ANKRD30A: variants seen among roughly 807,000 people sequenced by gnomAD.
ANKRD30A encodes ankyrin repeat domain-containing protein 30A.
A neutral mutation model predicts 166.3 loss-of-function variants in ANKRD30A; 170 were observed. That is an observed-to-expected ratio of 1.02 (90% CI 0.90 to 1.16). The LOEUF is 1.16. ANKRD30A is among the 50% of genes most tolerant of loss of function. The probability of loss-of-function intolerance (pLI) is 0.00; values close to 1 mark genes in which losing one functional copy is unlikely to be tolerated. For missense variants in ANKRD30A, 1,630 were observed against 1,518.0 expected (o/e 1.07, Z -1.23); for synonymous variants, 564 against 508.9 (o/e 1.11, Z -1.46).
intron 34 of ANKRD30A, among the ~76,000 whole-genome samples, chr10:37,223,559 T>G (rs1169348262): frequency 6.6e-6 from 1 of 151,454 alleles, no homozygotes; most frequent in Non-Finnish European, 1.5e-5. Flanking sequence ...TTGTTAGCAT[T>G]TAGTATTTTA....
chr10:37,192,985 C>A, intron 25 of ANKRD30A, 79 bp from the exon 26 acceptor site: 1 of 1,493,864 alleles, frequency 6.7e-7, no homozygotes, highest in East Asian at 2.3e-5. Flanking sequence ...GATTCATCTT[C>A]ATGTTGACAG....
At chr10:37,199,850 G>A in intron 30 of ANKRD30A, 62 bp downstream of exon 30, 1 of 1,050,858 alleles carries the variant, frequency 9.5e-7, no homozygotes, top group Non-Finnish European at 1.4e-6. Context: ...CATAAAATCA[G>A]ATGCTTAGAC....
intron 15 of ANKRD30A, among the ~76,000 whole-genome samples, chr10:37,159,760 A>G (rs752244407): frequency 1.9e-4 from 29 of 151,858 alleles, no homozygotes; most frequent in Non-Finnish European, 3.8e-4. Context: ...CCATGGCGCG[A>G]TCTCGGCTCA....
At chr10:37,157,253 A>C (rs1358615541) in intron 13 of ANKRD30A, among the ~76,000 whole-genome samples, 1 of 152,240 alleles carries the variant, frequency 6.6e-6, no homozygotes, top group Non-Finnish European at 1.5e-5. Flanking sequence ...AAACAAAACT[A>C]TTGTAGGATT....
the ANKRD30A span, among the ~76,000 whole-genome samples, chr10:37,238,716 A>T: frequency 1.3e-5 from 2 of 152,214 alleles, no homozygotes; most frequent in African/African-American, 4.8e-5. Flanking sequence ...TTTGGGGAAA[A>T]GATAATAGCA....
At chr10:37,149,744 T>C (rs1837776919) in intron 10 of ANKRD30A, 33 bp from the exon 11 acceptor site, 1 of 1,612,898 alleles carries the variant, frequency 6.2e-7, no homozygotes, top group African/African-American at 1.3e-5. Flanking sequence ...GTATACATTC[T>C]TTATTAATCA....
the ANKRD30A span, chr10:37,264,519 T>G: frequency 2.6e-6 from 1 of 383,710 alleles, no homozygotes; most frequent in Non-Finnish European, 4.5e-6. Flanking sequence ...AGTGACTGTT[T>G]TCCTCTGCAG....
rs5784545 is a variant in ANKRD30A at position 37,201,088 on chromosome 10, GT to G, written c.2779-138del. 3,439 of 498,458 alleles carry G rather than the reference GT, an allele frequency of 6.9e-3. 138 individuals are homozygous for G. The Admixed American group carries it at 0.082, about 12-fold the overall frequency. The allele number at this position is 498,458 out of a possible 1,614,324, so 30.9% of individuals were successfully genotyped here. ...GTTATGTGAGGTTTTCTATTAAAAT[GT>G]TTTTTTTTATACGTGTCTGCTCTTA... is the stretch of plus-strand genomic sequence containing the variant. On this transcript the variant is annotated intron_variant, in intron 30 of 35. Coordinates refer to ENST00000361713, the MANE Select transcript of ANKRD30A (RefSeq NM_052997.3).
At chr10:37,160,809 G>A (rs1838790269) in intron 15 of ANKRD30A, among the ~76,000 whole-genome samples, 2 of 152,044 alleles carry the variant, frequency 1.3e-5, no homozygotes, top group Admixed American at 1.3e-4. Context: ...AATTCTCCAC[G>A]GCTTCACATG....
chr10:37,141,019 G>T (rs1258250901), intron 6 of ANKRD30A, among the ~76,000 whole-genome samples: 2 of 152,036 alleles, frequency 1.3e-5, no homozygotes, highest in African/African-American at 4.8e-5. Context: ...ACAAATAATT[G>T]TTAGGTATCT....
chr10:37,134,522 T>A lies in ANKRD30A; in HGVS notation c.755+469T>A, dbSNP rs556401837. On this transcript the variant is annotated intron_variant, in intron 5 of 35. Coordinates refer to ENST00000361713, the MANE Select transcript of ANKRD30A (RefSeq NM_052997.3). ...GCAGTCTAGTAATGATTGACCTTTG[T>A]GACCAGGATGCCCTTACTAACACAG... Among the ~76,000 whole-genome samples the A allele has an allele frequency of 2.0e-5, 3 of 152,326 alleles. No individual in the cohort carries two copies. In the East Asian group the frequency reaches 5.8e-4, roughly 29 times the overall value.
At chr10:37,144,789 T>C (rs550628884) in intron 7 of ANKRD30A, among the ~76,000 whole-genome samples, 1 of 152,288 alleles carries the variant, frequency 6.6e-6, no homozygotes, top group South Asian at 2.1e-4. Flanking sequence ...TTTTGCATTC[T>C]AATGAATATA....
chr10:37,258,924 C>T, the ANKRD30A span, among the ~76,000 whole-genome samples: 10 of 138,340 alleles, frequency 7.2e-5, no homozygotes, highest in African/African-American at 2.8e-4. Flanking sequence ...GATTGTGCTA[C>T]TGCACCCTAG....
downstream of ANKRD30A, among the ~76,000 whole-genome samples, chr10:37,233,380 T>C (rs1843538776): frequency 6.6e-6 from 1 of 152,172 alleles, no homozygotes; most frequent in South Asian, 2.1e-4. Flanking sequence ...TTAGTCATGA[T>C]GCACATATGA....
chr10:37,129,054 A>C (rs1056444981), intron 1 of ANKRD30A, among the ~76,000 whole-genome samples: 5 of 152,194 alleles, frequency 3.3e-5, no homozygotes, highest in African/African-American at 1.2e-4. Flanking sequence ...CTTTAAAAAT[A>C]TTAAAGAAGT....
intron 25 of ANKRD30A, among the ~76,000 whole-genome samples, chr10:37,192,185 T>G (rs548538649): frequency 1.3e-5 from 2 of 152,052 alleles, no homozygotes; most frequent in South Asian, 4.2e-4. Flanking sequence ...TACAGGCCTG[T>G]GCCACCATAC....
chr10:37,165,107 A>G lies in ANKRD30A; in HGVS notation c.2016A>G (p.Pro672=). The change falls in exon 18 of 36, where the codon CCA becomes CCG. Residue 672 remains proline, a synonymous_variant. Coordinates refer to ENST00000361713, the MANE Select transcript of ANKRD30A (RefSeq NM_052997.3). ...AACCTTTTATAGATGAGATACTCCC[A>G]TCAGAATCCAAACAAAAGGACTATG... The part of the protein sequence containing the change: ...EQTLRADEIL[P]SESKQKDYEE... 2.5e-6 allele frequency: 4 copies of G among 1,609,212 alleles called. No individual in the cohort carries two copies. The highest frequency in any genetic ancestry group is 3.4e-6 in the Non-Finnish European group (4 of 1,176,000).
At chr10:37,190,340 A>G (rs1164387902) in intron 25 of ANKRD30A, among the ~76,000 whole-genome samples, 1 of 151,784 alleles carries the variant, frequency 6.6e-6, no homozygotes. Flanking sequence ...TGTGGGAATA[A>G]TGTGGAAGCA....
chr10:37,219,424 G>A lies in ANKRD30A; in HGVS notation c.3712G>A (p.Asp1238Asn), dbSNP rs377744149. Residue 1238 changes from aspartate to asparagine, a missense_variant, in exon 34 of 36, where the codon GAT becomes AAT. Transcript: ENST00000361713. ...TTGTTTGCAAAGAAAAATGAATGTT[G>A]ATGTGAGTAGTACGATATATAACAA... Reference protein sequence around the residue: ...DACLQRKMNVDVSSTIYNNEV... With the variant: ...DACLQRKMNVNVSSTIYNNEV... 7 of 1,610,432 alleles carry A rather than the reference G, an allele frequency of 4.3e-6. No individual in the cohort carries two copies. The African/African-American group carries it at 5.4e-5, about 12-fold the overall frequency.
Sources: allele counts gnomAD v4.1 joint callset (sites outside exome capture counted in the v4.1 genomes callset), GRCh38; gene constraint gnomAD v4.1.1; transcripts MANE v1.5; gene names NCBI Gene and HGNC (gene_info 2026-07-23, HGNC 2026-07-21).